Variants in NHSL1 observed in about 807,000 individuals in gnomAD.
NHSL1 encodes NHS-like protein 1.
Under a neutral mutation model 95.0 loss-of-function variants are expected in NHSL1, and 48 were observed. That is an observed-to-expected ratio of 0.51 (90% confidence interval 0.40 to 0.64). The LOEUF is 0.64. Ranked by LOEUF, NHSL1 falls within the 30% of genes least tolerant of loss-of-function variation. The pLI is 0.00. For missense variants in NHSL1, 1,971 were observed against 2,077.7 expected (o/e 0.95, Z 1.00); for synonymous variants, 783 against 833.9 (o/e 0.94, Z 1.05).
chr6:138,553,850 T>C (rs1783098817), intron 1 of NHSL1, among the ~76,000 whole-genome samples: 1 of 152,208 alleles, frequency 6.6e-6, no homozygotes, highest in Non-Finnish European at 1.5e-5. Flanking sequence ...CAAACACAGA[T>C]ACCATTCTCT....
At position 138,484,525 on chromosome 6, in the gene NHSL1, C is replaced by T. The variant is rs1779609208; in HGVS notation, c.212-11092G>A. Among the ~76,000 whole-genome samples, 4 of 152,092 alleles carry T rather than the reference C, an allele frequency of 2.6e-5. No homozygotes were observed. In the South Asian group the frequency reaches 8.3e-4, roughly 32 times the overall value. ...AAAATACACTACTAATTGTGGTCAT[C>T]GGCTCAACAGTCAAACTGGAAATGA... On this transcript the variant is annotated intron_variant, in intron 2 of 7. Coordinates refer to ENST00000343505, the MANE Select transcript of NHSL1 (RefSeq NM_001144060.2).
At chr6:138,448,062 A>G (rs1381148168) in intron 3 of NHSL1, among the ~76,000 whole-genome samples, 9 of 152,380 alleles carry the variant, frequency 5.9e-5, no homozygotes, top group East Asian at 5.8e-4. Context: ...GCTCTGAGCC[A>G]TATCAGAATT....
intron 1 of NHSL1, among the ~76,000 whole-genome samples, chr6:138,681,931 C>G (rs559059960): frequency 6.6e-6 from 1 of 151,774 alleles, no homozygotes; most frequent in Non-Finnish European, 1.5e-5. Context: ...GATTTCCCTA[C>G]AGGAATAATC....
intron 7 of NHSL1, among the ~76,000 whole-genome samples, chr6:138,427,758 C>T (rs796425643): frequency 5.3e-5 from 8 of 152,278 alleles, no homozygotes; most frequent in African/African-American, 1.9e-4. Context: ...AGCTGTGTTT[C>T]AACTTAGATA....
chr6:138,549,916 T>C (rs565302328), upstream of NHSL1, among the ~76,000 whole-genome samples: 3 of 152,148 alleles, frequency 2.0e-5, no homozygotes, highest in African/African-American at 7.2e-5. Context: ...TTTTTCTTAA[T>C]GTCAAATATA....
chr6:138,560,443 C>T (rs149486474), intron 1 of NHSL1, among the ~76,000 whole-genome samples: 13 of 152,164 alleles, frequency 8.5e-5, no homozygotes, highest in Admixed American at 1.3e-4. Context: ...GGCATGCACA[C>T]GTAAGGACAA....
chr6:138,446,295 C>T (rs1416452726), intron 4 of NHSL1, among the ~76,000 whole-genome samples: 1 of 152,136 alleles, frequency 6.6e-6, no homozygotes, highest in Non-Finnish European at 1.5e-5. Context: ...CCTCAGCCTC[C>T]CAAAGTGCTG....
chr6:138,452,820 C>CCT (rs550863186), intron 3 of NHSL1, among the ~76,000 whole-genome samples: 2 of 149,564 alleles, frequency 1.3e-5, no homozygotes, highest in African/African-American at 4.9e-5. Context: ...TCTGTGCATT[C>CCT]TTTTTTTTTT....
At chr6:138,614,642 T>G (rs1784555102) in intron 1 of NHSL1, among the ~76,000 whole-genome samples, 2 of 152,140 alleles carry the variant, frequency 1.3e-5, no homozygotes, top group South Asian at 4.2e-4. Context: ...AAATACTCCA[T>G]GTCAGGGGGT....
At chr6:138,456,556 T>C (rs1777625068) in intron 3 of NHSL1, among the ~76,000 whole-genome samples, 1 of 152,198 alleles carries the variant, frequency 6.6e-6, no homozygotes, top group Non-Finnish European at 1.5e-5. Flanking sequence ...TCTTTAGGGG[T>C]GAATTTTACA....
chr6:138,612,171 T>A (rs1433739228), intron 1 of NHSL1, among the ~76,000 whole-genome samples: 1 of 147,064 alleles, frequency 6.8e-6, no homozygotes, highest in Admixed American at 6.8e-5. Flanking sequence ...GATGGGAGGG[T>A]ATATTAGTAT....
intron 1 of NHSL1, among the ~76,000 whole-genome samples, chr6:138,628,450 G>C (rs1355951384): frequency 1.3e-5 from 2 of 152,166 alleles, no homozygotes; most frequent in Admixed American, 6.5e-5. Context: ...AGGCAATTTT[G>C]AGTTACTGTA....
At chr6:138,543,015 C>T (rs146019968) in intron 1 of NHSL1, among the ~76,000 whole-genome samples, 187 of 152,280 alleles carry the variant, frequency 1.2e-3, no homozygotes, top group African/African-American at 3.7e-3. Context: ...CCTCTCTCCG[C>T]GGCCTTCTAA....
chr6:138,594,106 G>T (rs1360127536), intron 1 of NHSL1, among the ~76,000 whole-genome samples: 2 of 152,130 alleles, frequency 1.3e-5, no homozygotes, highest in Non-Finnish European at 1.5e-5. Context: ...GATGTGGTGG[G>T]GGTCAGTTTA....
intron 1 of NHSL1, among the ~76,000 whole-genome samples, chr6:138,522,491 A>C (rs1479384968): frequency 1.3e-5 from 2 of 152,114 alleles, no homozygotes; most frequent in East Asian, 3.9e-4. Flanking sequence ...AAAATACAAA[A>C]ATTACTGAGC....
In NHSL1 at chr6:138,490,924, G is replaced by A. The variant is rs144850602; in HGVS notation, c.211+5295C>T. On this transcript the variant is annotated intron_variant, in intron 2 of 7. Coordinates refer to ENST00000343505, the MANE Select transcript of NHSL1 (RefSeq NM_001144060.2). ...TGGGATTATAGGCGTGAGCCACCGC[G>A]CCTGGATGGTAAATCATTCTTTAAT... Among the ~76,000 whole-genome samples, 6 of 152,296 alleles carry A rather than the reference G, an allele frequency of 3.9e-5. No homozygotes were observed. The East Asian group carries it at 5.8e-4, about 15-fold the overall frequency.
chr6:138,686,886 A>T (rs903367049), intron 1 of NHSL1, among the ~76,000 whole-genome samples: 3 of 152,174 alleles, frequency 2.0e-5, no homozygotes, highest in African/African-American at 7.2e-5. Context: ...AATTTTAACG[A>T]AAGTTCCAAG....
chr6:138,552,866 T>C (rs1006612047), intron 1 of NHSL1, among the ~76,000 whole-genome samples: 4 of 152,200 alleles, frequency 2.6e-5, no homozygotes, highest in African/African-American at 7.2e-5. Flanking sequence ...GAGATTTTAT[T>C]ATGGAACCTT....
At chr6:138,535,546 A>G (rs1782306093) in intron 1 of NHSL1, among the ~76,000 whole-genome samples, 3 of 152,198 alleles carry the variant, frequency 2.0e-5, no homozygotes, top group Admixed American at 2.0e-4. Flanking sequence ...ACTGGGCAAC[A>G]GAACAAGAAA....
Sources: allele counts gnomAD v4.1 joint callset (sites outside exome capture counted in the v4.1 genomes callset), GRCh38; gene constraint gnomAD v4.1.1; transcripts MANE v1.5; gene names NCBI Gene and HGNC (gene_info 2026-07-23, HGNC 2026-07-21).